Variants in SHISA6 observed in about 807,000 individuals in gnomAD.
The protein encoded by SHISA6 is protein shisa-6.
SHISA6 carries 22 observed loss-of-function variants against 47.9 expected under a neutral mutation model. The observed-to-expected ratio is 0.46, with a 90% CI of 0.33 to 0.66. The LOEUF is 0.66. Among genes scored for constraint, SHISA6 ranks in the 30% least tolerant of loss-of-function variants. The probability of loss-of-function intolerance (pLI) is 0.02; values close to 1 mark genes in which losing one functional copy is unlikely to be tolerated. For synonymous variants in SHISA6, 388 were observed against 337.8 expected (o/e 1.15, Z -1.63); for missense variants, 680 against 764.6 (o/e 0.89, Z 1.30).
In SHISA6 at chr17:11,241,343, C is replaced by T. The variant is rs1030548429; in HGVS notation, c.-80C>T. 1 of 899,272 alleles carries T rather than the reference C, an allele frequency of 1.1e-6. No homozygotes were observed. Among genetic ancestry groups the T allele is most frequent in the Non-Finnish European group, 1.3e-6 (1 of 749,340 alleles). 55.7% of individuals were successfully genotyped at this position (899,272 alleles called of 1,614,324 possible). A position where few individuals can be genotyped will look rare whatever the true frequency, so the allele number is the denominator to read the frequency against. On this transcript the variant is annotated 5_prime_UTR_variant, in exon 1 of 6. Transcript: ENST00000441885. The surrounding 1 kb of genome is among the most constrained non-coding windows in gnomAD (Gnocchi z 5.5). ...CTCAGCGCCTCCAGCCCGGCCCGCG[C>T]GGCGGGTCCTCCGAGCCCGGCCCGC...
At chr17:11,423,936 G>A (rs566808827) in intron 3 of SHISA6, among the ~76,000 whole-genome samples, 189 of 152,126 alleles carry the variant, frequency 1.2e-3, no homozygotes, top group Non-Finnish European at 2.1e-3. Flanking sequence ...ATAGATTAAG[G>A]AATGGATTAA....
chr17:11,557,202 C>T (rs1464760416), intron 5 of SHISA6, among the ~76,000 whole-genome samples: 5 of 152,214 alleles, frequency 3.3e-5, no homozygotes. Flanking sequence ...AACATTTTCA[C>T]AAGTGTTTCC....
At chr17:11,284,295 C>G (rs1909223285) in intron 2 of SHISA6, among the ~76,000 whole-genome samples, 1 of 152,168 alleles carries the variant, frequency 6.6e-6, no homozygotes, top group African/African-American at 2.4e-5. Flanking sequence ...GGTTTAGTTG[C>G]TCAGCAACAC....
intron 3 of SHISA6, among the ~76,000 whole-genome samples, chr17:11,457,698 G>A (rs865838856): frequency 4.4e-4 from 64 of 145,942 alleles, no homozygotes; most frequent in African/African-American, 1.4e-3. Context: ...CCGAGACCAC[G>A]CCATTGCACT....
intron 2 of SHISA6, among the ~76,000 whole-genome samples, chr17:11,375,473 T>A (rs1394851888): frequency 6.6e-6 from 1 of 152,222 alleles, no homozygotes; most frequent in African/African-American, 2.4e-5. Flanking sequence ...TTCCCCCTTA[T>A]GGCTGTTGGT....
intron 1 of SHISA6, among the ~76,000 whole-genome samples, chr17:11,259,056 TTGGA>T (rs1189743378): frequency 2.0e-5 from 3 of 151,694 alleles, no homozygotes; most frequent in Non-Finnish European, 4.4e-5. Flanking sequence ...GGATAGAGTG[TTGGA>T]TGGATGGATG....
chr17:11,248,006 C>T (rs981225948), intron 1 of SHISA6, among the ~76,000 whole-genome samples: 3 of 152,134 alleles, frequency 2.0e-5, no homozygotes, highest in Non-Finnish European at 4.4e-5. Flanking sequence ...GATCTCCTGA[C>T]CTCATGCTCT....
chr17:11,314,190 A>G (rs1028262496), intron 2 of SHISA6, among the ~76,000 whole-genome samples: 23 of 152,146 alleles, frequency 1.5e-4, no homozygotes, highest in Admixed American at 4.6e-4. Flanking sequence ...TTTAAGTTGC[A>G]AATATTTTTC....
At chr17:11,451,478 C>A (rs1040017163) in intron 3 of SHISA6, among the ~76,000 whole-genome samples, 8 of 152,226 alleles carry the variant, frequency 5.3e-5, no homozygotes, top group Admixed American at 3.3e-4. Flanking sequence ...AGAAAATAGT[C>A]AAGTAATTAA....
At chr17:11,248,955 C>T (rs139222006) in intron 1 of SHISA6, among the ~76,000 whole-genome samples, 3,926 of 152,012 alleles carry the variant, frequency 0.026, 155 homozygotes, top group African/African-American at 0.09. Flanking sequence ...CCGGCTAACA[C>T]GGTGAAACCT....
intron 2 of SHISA6, among the ~76,000 whole-genome samples, chr17:11,272,915 A>G (rs1202105736): frequency 6.6e-6 from 1 of 152,200 alleles, no homozygotes; most frequent in Non-Finnish European, 1.5e-5. Context: ...GTGGCATGCC[A>G]GCTGTTTTCA....
intron 2 of SHISA6, among the ~76,000 whole-genome samples, chr17:11,327,013 TA>T (rs1910917998): frequency 6.6e-6 from 1 of 152,222 alleles, no homozygotes; most frequent in Admixed American, 6.5e-5. Context: ...GTGGACATGT[TA>T]ACCCTCTGGG....
At chr17:11,273,422 C>T (rs139843267) in intron 2 of SHISA6, among the ~76,000 whole-genome samples, 6 of 152,332 alleles carry the variant, frequency 3.9e-5, no homozygotes, top group East Asian at 1.9e-4. Flanking sequence ...CAAGGGCAGG[C>T]GTTCTCCTGA....
chr17:11,333,473 G>C (rs1446297722), intron 2 of SHISA6, among the ~76,000 whole-genome samples: 1 of 152,028 alleles, frequency 6.6e-6, no homozygotes, highest in Non-Finnish European at 1.5e-5. Flanking sequence ...AGGCTAATCT[G>C]TTGAAAACTC....
intron 3 of SHISA6, among the ~76,000 whole-genome samples, chr17:11,531,706 G>T (rs1369913240): frequency 6.6e-6 from 1 of 152,150 alleles, no homozygotes; most frequent in Non-Finnish European, 1.5e-5. Context: ...GTAATCAGTG[G>T]CTCCATGCAT....
At chr17:11,542,801 A>C (rs2071845022) in intron 3 of SHISA6, among the ~76,000 whole-genome samples, 1 of 152,112 alleles carries the variant, frequency 6.6e-6, no homozygotes, top group African/African-American at 2.4e-5. Context: ...CTCTGTGAAG[A>C]CCACCTTATT....
chr17:11,372,448 A>T (rs1912657389), intron 2 of SHISA6, among the ~76,000 whole-genome samples: 1 of 152,124 alleles, frequency 6.6e-6, no homozygotes, highest in Admixed American at 6.5e-5. Flanking sequence ...AAGGTATCTT[A>T]TATTTTGCTT....
intron 3 of SHISA6, among the ~76,000 whole-genome samples, chr17:11,473,575 A>T (rs2142323870): frequency 6.6e-6 from 1 of 152,150 alleles, no homozygotes; most frequent in Non-Finnish European, 1.5e-5. Flanking sequence ...TACCTCTCCA[A>T]GATCCCACCT....
At chr17:11,466,208 A>G (rs1324430666) in intron 3 of SHISA6, among the ~76,000 whole-genome samples, 1 of 152,182 alleles carries the variant, frequency 6.6e-6, no homozygotes, top group African/African-American at 2.4e-5. Flanking sequence ...AATCAATGCA[A>G]ATATCCACAG....
Sources: allele counts gnomAD v4.1 joint callset (sites outside exome capture counted in the v4.1 genomes callset), GRCh38; gene constraint gnomAD v4.1.1; non-coding constraint Gnocchi (gnomAD v3.1); transcripts MANE v1.5; gene names NCBI Gene and HGNC (gene_info 2026-07-23, HGNC 2026-07-21).